CROCC: variants seen among roughly 807,000 people sequenced by gnomAD.
CROCC encodes rootletin.
A neutral mutation model predicts 245.2 loss-of-function variants in CROCC; 180 were observed. The observed-to-expected ratio is 0.73, with a 90% CI of 0.65 to 0.83. CROCC has a LOEUF of 0.83. Among genes scored for constraint, CROCC ranks in the 40% least tolerant of loss-of-function variants. The pLI, the probability that CROCC is intolerant of heterozygous loss-of-function variation, is 0.00. For missense variants in CROCC, 2,688 were observed against 2,779.4 expected (o/e 0.97, Z 0.74); for synonymous variants, 1,205 against 1,241.6 (o/e 0.97, Z 0.62).
At position 16,956,293 on chromosome 1, in the gene CROCC, T is replaced by G. The variant is rs2076249998; in HGVS notation, c.3864+137T>G. ...TATGACAAGCCCTCTCACCTAACCT[T>G]GGTGTGAATGGATGGGCTTTGAGGA... On this transcript the variant is annotated intron_variant, in intron 25 of 36. Transcript: ENST00000375541. 3 of 895,578 alleles carry G rather than the reference T, an allele frequency of 3.3e-6. No homozygotes were observed. The South Asian group carries it at 5.4e-5, about 16-fold the overall frequency. 55.5% of individuals were successfully genotyped at this position (895,578 alleles called of 1,614,324 possible).
At chr1:16,955,911 T>A (rs1360198891) in intron 24 of CROCC, 86 bp from the exon 25 acceptor site, 1 of 1,497,736 alleles carries the variant, frequency 6.7e-7, no homozygotes, top group East Asian at 2.5e-5. Context: ...CCTGATCCAC[T>A]CCAGAAATTG....
intron 19 of CROCC, 86 bp from the exon 20 acceptor site, chr1:16,950,867 C>A: frequency 8.1e-7 from 1 of 1,228,766 alleles, no homozygotes; most frequent in Non-Finnish European, 1.1e-6. Flanking sequence ...TGGGATTTTG[C>A]CCATGTGGCT....
chr1:16,924,657 C>A (rs2075490661), intron 3 of CROCC, among the ~76,000 whole-genome samples, 178 bp downstream of exon 3: 1 of 152,262 alleles, frequency 6.6e-6, no homozygotes, highest in Admixed American at 6.5e-5. Flanking sequence ...GCTCTTTAAG[C>A]CTGTTTTCTG....
intron 7 of CROCC, 94 bp from the exon 8 acceptor site, chr1:16,931,197 G>A (rs1310110730): frequency 2.3e-5 from 26 of 1,115,528 alleles, no homozygotes; most frequent in Middle Eastern, 2.9e-4. Flanking sequence ...CCTGAACGAC[G>A]GTGCCTCCCA....
chr1:16,923,321 G>A (rs933350828), intron 2 of CROCC, among the ~76,000 whole-genome samples: 3 of 152,278 alleles, frequency 2.0e-5, no homozygotes, highest in Non-Finnish European at 2.9e-5. Flanking sequence ...GTGGCGTTTT[G>A]GTGCTCTAAC....
chr1:16,972,325 G>A (rs1248113560), intron 36 of CROCC, 35 bp from the exon 37 acceptor site: 1 of 1,557,148 alleles, frequency 6.4e-7, no homozygotes, highest in Admixed American at 1.7e-5. Context: ...CCAGGCTGAG[G>A]ACCTGGCTGG....
At chr1:16,958,968 C>G (rs1037832400) in intron 26 of CROCC, among the ~76,000 whole-genome samples, 1 of 152,178 alleles carries the variant, frequency 6.6e-6, no homozygotes. Context: ...CCTGTAGATA[C>G]AACCTTGTTT....
intron 2 of CROCC, 100 bp from the exon 3 acceptor site, chr1:16,924,225 C>A: frequency 6.9e-7 from 1 of 1,441,982 alleles, no homozygotes; most frequent in Non-Finnish European, 9.4e-7. Flanking sequence ...CCCATCTGGA[C>A]TCCTCCCAGG....
intron 10 of CROCC, among the ~76,000 whole-genome samples, 199 bp downstream of exon 10, chr1:16,937,936 A>G (rs2075828694): frequency 6.6e-6 from 1 of 152,288 alleles, no homozygotes; most frequent in African/African-American, 2.4e-5. Flanking sequence ...GCCCTGTAGC[A>G]TAATCCTCAT....
chr1:16,958,552 T>C, intron 25 of CROCC, 31 bp from the exon 26 acceptor site: 1 of 1,548,780 alleles, frequency 6.5e-7, no homozygotes, highest in Non-Finnish European at 8.7e-7. Flanking sequence ...GGGGCAGAGC[T>C]GAACCTGCTG....
At chr1:16,926,773 C>G (rs889620976) in intron 3 of CROCC, among the ~76,000 whole-genome samples, 2 of 152,276 alleles carry the variant, frequency 1.3e-5, no homozygotes, top group Non-Finnish European at 2.9e-5. Context: ...CCTGGGCTCC[C>G]TCGTGTCCAT....
rs1224946205 is a variant in CROCC, at chr1:16,956,175, C to A, written c.3864+19C>A. 2 of 1,520,268 alleles carry A rather than the reference C, an allele frequency of 1.3e-6. No individual in the cohort carries two copies. The highest frequency in any genetic ancestry group is 2.5e-5 in the South Asian group (2 of 80,088). The allele number at this position is 1,520,268 out of a possible 1,614,324, so 94.2% of individuals were successfully genotyped here. A position where few individuals can be genotyped will look rare whatever the true frequency, so the allele number is the denominator to read the frequency against. Reference sequence around the variant, plus strand: ...GCGTCAGGTACTCTCCCTGTGCCACCCCTTAGCCTGGGGCTTGCTGTGTGC... The same window carrying A: ...GCGTCAGGTACTCTCCCTGTGCCACACCTTAGCCTGGGGCTTGCTGTGTGC... On this transcript the variant is annotated intron_variant, in intron 25 of 36. Transcript: ENST00000375541.
At chr1:16,917,217 A>G (rs2075316898), upstream of CROCC, among the ~76,000 whole-genome samples, 1 of 152,302 alleles carries the variant, frequency 6.6e-6, no homozygotes, top group African/African-American at 2.4e-5. Flanking sequence ...ATTGGAGCCA[A>G]TTATTTAACT....
At position 16,955,374 on chromosome 1, in the gene CROCC, G is replaced by A; in HGVS notation, c.3528G>A (p.Glu1176=). ...ATGCCCGTGACGGGCTGCGGCGGGAGCTGCTGGAGGCCCAGCGCAAGCTGC... is the reference window on the plus strand; with the variant it reads ...ATGCCCGTGACGGGCTGCGGCGGGAACTGCTGGAGGCCCAGCGCAAGCTGC... The part of the protein sequence containing the change: ...LEDARDGLRR[E]LLEAQRKLRE... Residue 1176 remains glutamate, a synonymous_variant, in exon 24 of 37, where the codon GAG becomes GAA. Transcript: ENST00000375541. The A allele has an allele frequency of 6.2e-7, 1 of 1,606,722 alleles. No individual in the cohort carries two copies. Among genetic ancestry groups the A allele is most frequent in the Non-Finnish European group, 8.5e-7 (1 of 1,179,484 alleles).
chr1:16,952,311 C>T (rs1212888225), intron 20 of CROCC, among the ~76,000 whole-genome samples: 5 of 151,680 alleles, frequency 3.3e-5, no homozygotes, highest in Non-Finnish European at 5.9e-5. Context: ...AGTGAAACCC[C>T]ATCTCTACTA....
chr1:16,961,730 A>G (rs1056889793), intron 27 of CROCC, among the ~76,000 whole-genome samples: 16 of 150,216 alleles, frequency 1.1e-4, no homozygotes, highest in African/African-American at 1.2e-4. Context: ...TCCCACCTCA[A>G]CCTCCTTTGT....
In CROCC at chr1:16,969,912, G is replaced by A; in HGVS notation, c.5429G>A (p.Gly1810Asp). Residue 1810 changes from glycine (G) to aspartate (D), a missense_variant, in exon 33 of 37, where the codon GGC becomes GAC. Gly to Asp is a moderately conservative substitution (Grantham distance 94, BLOSUM62 -1). Coordinates refer to ENST00000375541, the MANE Select transcript of CROCC (RefSeq NM_014675.5). ...DLELQRVEAE[G>D]QLQQLREVLR... ...GAACTGCAGCGGGTGGAGGCCGAGGGCCAGCTACAACAGCTACGGGAGGTG... is the reference window on the plus strand; with the variant it reads ...GAACTGCAGCGGGTGGAGGCCGAGGACCAGCTACAACAGCTACGGGAGGTG... The A allele has an allele frequency of 6.2e-7, 1 of 1,604,066 alleles. No individual in the cohort carries two copies. Among genetic ancestry groups the A allele is most frequent in the Non-Finnish European group, 8.5e-7 (1 of 1,174,806 alleles).
intron 1 of CROCC, among the ~76,000 whole-genome samples, chr1:16,914,511 C>G (rs2075283174): frequency 6.6e-6 from 1 of 152,286 alleles, no homozygotes. Context: ...GCGGGCCCCG[C>G]CCTGCACTGC....
In CROCC at chr1:16,944,149, G is replaced by A. The variant is rs750828786; in HGVS notation, c.1858G>A (p.Glu620Lys). Residue 620 changes from glutamate (E) to lysine (K), a missense_variant, in exon 14 of 37, where the codon GAG becomes AAG. Transcript: ENST00000375541. Reference protein sequence around the residue: ...HSLQVAQQQAEELRQEREKLQ... With the variant: ...HSLQVAQQQAKELRQEREKLQ... Reference sequence around the variant, plus strand: ...CCTGCAGGTGGCCCAGCAGCAGGCCGAGGAGCTGCGGCAGGAGCGGGAGAA... The same window carrying A: ...CCTGCAGGTGGCCCAGCAGCAGGCCAAGGAGCTGCGGCAGGAGCGGGAGAA... The A allele has an allele frequency of 6.8e-5, 106 of 1,559,832 alleles. No homozygotes were observed. Among genetic ancestry groups the A allele is most frequent in the African/African-American group, 9.5e-5 (7 of 74,048 alleles).
Sources: gnomAD v4.1 joint callset for allele counts (sites outside exome capture counted in the v4.1 genomes callset) on GRCh38, gnomAD v4.1.1 for gene constraint, MANE v1.5 for transcripts, NCBI Gene and HGNC (gene_info 2026-07-23, HGNC 2026-07-21) for gene names.